Variants in MEF2A observed in about 807,000 individuals in gnomAD.
The protein encoded by MEF2A is myocyte-specific enhancer factor 2A.
Under a neutral mutation model 55.8 loss-of-function variants are expected in MEF2A, and 28 were observed. That is an observed-to-expected ratio of 0.50 (90% CI 0.37 to 0.69). MEF2A has a LOEUF of 0.69. Among genes scored for constraint, MEF2A ranks in the 30% least tolerant of loss-of-function variants. The probability of loss-of-function intolerance (pLI) is 0.00; values close to 1 mark genes in which losing one functional copy is unlikely to be tolerated. For synonymous variants in MEF2A, 239 were observed against 227.1 expected, an observed-to-expected ratio of 1.05 and a Z score of -0.47; for missense variants, 528 against 626.2, an observed-to-expected ratio of 0.84 and a Z score of 1.67.
At position 99,713,974 on chromosome 15, in the gene MEF2A, T is replaced by TTAAG. The variant is rs1389961302; in HGVS notation, c.*1206_*1209dup. ...TGGGGGGAAAAGGCGAGGTCCTTTA[T>TTAAG]TAAGTATTCACTGTTTAATATTTAC... On this transcript the variant is annotated 3_prime_UTR_variant, in exon 12 of 12. Transcript: ENST00000557942. 2 of 152,248 alleles carry TTAAG rather than the reference T, an allele frequency of 1.3e-5. No individual in the cohort carries two copies. Among genetic ancestry groups the TTAAG allele is most frequent in the Non-Finnish European group, 2.9e-5 (2 of 68,030 alleles). 9.4% of individuals were successfully genotyped at this position (152,248 alleles called of 1,614,324 possible). A position where few individuals can be genotyped will look rare whatever the true frequency, so the allele number is the denominator to read the frequency against.
intron 3 of MEF2A, among the ~76,000 whole-genome samples, chr15:99,633,695 G>A (rs1156560422): frequency 6.6e-6 from 1 of 152,070 alleles, no homozygotes; most frequent in Non-Finnish European, 1.5e-5. Flanking sequence ...ATATATTGAA[G>A]TTATTTTATG....
At chr15:99,584,049 T>G (rs753123226) in intron 1 of MEF2A, among the ~76,000 whole-genome samples, 10 of 152,170 alleles carry the variant, frequency 6.6e-5, no homozygotes, top group Non-Finnish European at 1.3e-4. Context: ...TAGGCATTTG[T>G]AACATAGTAG....
rs376220587 is a variant in MEF2A at position 99,713,010 on chromosome 15, A to G, written c.*239A>G. 1.9e-5 allele frequency: 10 copies of G among 540,014 alleles called. 1 individual carries two copies. Among genetic ancestry groups the G allele is most frequent in the African/African-American group, 1.3e-4 (7 of 53,302 alleles). The allele number at this position is 540,014 out of a possible 1,614,324, so 33.5% of individuals were successfully genotyped here. On this transcript the variant is annotated 3_prime_UTR_variant, in exon 12 of 12. Coordinates refer to ENST00000557942, the MANE Select transcript of MEF2A (RefSeq NM_001319206.4). ...GCAGATGTGTGTCCCATGGCAGACA[A>G]AGCACCCTGTAGGCACAGACAAGTC...
At chr15:99,617,866 T>C (rs1035175625) in intron 2 of MEF2A, among the ~76,000 whole-genome samples, 1 of 152,240 alleles carries the variant, frequency 6.6e-6, no homozygotes, top group Non-Finnish European at 1.5e-5. Context: ...TTTCTAATGA[T>C]TCTAGTGTAT....
intron 2 of MEF2A, among the ~76,000 whole-genome samples, chr15:99,604,402 T>C (rs1974340321): frequency 6.6e-6 from 1 of 152,194 alleles, no homozygotes; most frequent in African/African-American, 2.4e-5. Flanking sequence ...CACTGATCTT[T>C]TCTTCTGCAT....
At chr15:99,654,342 CTAAG>C (rs1422157182) in intron 4 of MEF2A, among the ~76,000 whole-genome samples, 6 of 151,982 alleles carry the variant, frequency 3.9e-5, no homozygotes, top group African/African-American at 1.4e-4. Context: ...TACTGGGTTA[CTAAG>C]CTCAATGTTT....
At chr15:99,645,008 C>T (rs555574863) in intron 3 of MEF2A, among the ~76,000 whole-genome samples, 23 of 152,078 alleles carry the variant, frequency 1.5e-4, no homozygotes, top group South Asian at 1.5e-3. Flanking sequence ...TTGGGGGGGT[C>T]TCTGTTAGAG....
chr15:99,705,985 T>C (rs1490424747), intron 9 of MEF2A, among the ~76,000 whole-genome samples: 2 of 152,360 alleles, frequency 1.3e-5, no homozygotes, highest in East Asian at 3.9e-4. Context: ...ACAATGACTG[T>C]CTTAGACTAA....
chr15:99,595,303 G>T (rs1970778219), intron 1 of MEF2A, among the ~76,000 whole-genome samples: 1 of 152,086 alleles, frequency 6.6e-6, no homozygotes, highest in Non-Finnish European at 1.5e-5. Flanking sequence ...ATTATGTTAG[G>T]CTTTCCCTGG....
intron 2 of MEF2A, among the ~76,000 whole-genome samples, chr15:99,626,457 T>C (rs1252903516): frequency 6.6e-6 from 1 of 152,160 alleles, no homozygotes. Context: ...GTTTTTCTGT[T>C]ATCTATTTCA....
chr15:99,579,727 A>G (rs2152833885), intron 1 of MEF2A, among the ~76,000 whole-genome samples: 1 of 152,170 alleles, frequency 6.6e-6, no homozygotes, highest in Admixed American at 6.5e-5. Context: ...AGTGTTTTAT[A>G]GTATTCCTAG....
At chr15:99,677,069 C>T (rs1053766118) in intron 7 of MEF2A, among the ~76,000 whole-genome samples, 9 of 151,640 alleles carry the variant, frequency 5.9e-5, no homozygotes, top group East Asian at 2.0e-4. Flanking sequence ...TGCAGTGAGC[C>T]GAGATCATGC....
At position 99,712,530 on chromosome 15, in the gene MEF2A, AGCAGCAGCC is replaced by A. The variant is rs560400205; in HGVS notation, c.1280_1288del (p.Gln427_Pro429del). ...CAGCAGCAGCAGCAGCAGCAGCAGC[AGCAGCAGCC>A]GCCGCCACCACCGCAGCCCCAGCCA... On this transcript the variant is annotated inframe_deletion, in exon 12 of 12. Transcript: ENST00000557942. This position sits in a 1 kb window ranked among gnomAD's most constrained non-coding sequence, Gnocchi z 4.1. 4.2e-3 allele frequency: 6,475 copies of A among 1,546,174 alleles called. 61 individuals carry two copies. The East Asian group carries it at 0.056, about 13-fold the overall frequency.
rs374810789 is a variant in MEF2A, at chr15:99,706,585, G to GTA, written c.883-142_883-141dup. 4.6e-4 allele frequency: 365 copies of GTA among 792,332 alleles called. No individual in the cohort carries two copies. The African/African-American group carries it at 5.5e-3, about 12-fold the overall frequency. 49.1% of individuals were successfully genotyped at this position (792,332 alleles called of 1,614,324 possible). ...ATTAAATATTTAGTTATTCTCACTA[G>GTA]TATTTTTGAAGTTTTCACATCATCA... is the stretch of plus-strand genomic sequence containing the variant. On this transcript the variant is annotated intron_variant, in intron 9 of 11. Transcript: ENST00000557942.
In MEF2A at chr15:99,603,543, TTGTGTGTG is replaced by T. The variant is rs1300288383; in HGVS notation, c.-143+5060_-143+5067del. Among the ~76,000 whole-genome samples, 16 of 126,498 alleles carry T rather than the reference TTGTGTGTG, an allele frequency of 1.3e-4. No homozygotes were observed. The East Asian group carries it at 2.4e-3, about 19-fold the overall frequency. 83.0% of individuals were successfully genotyped at this position (126,498 alleles called of 152,430 possible). On this transcript the variant is annotated intron_variant, in intron 2 of 11. Coordinates refer to ENST00000557942, the MANE Select transcript of MEF2A (RefSeq NM_001319206.4). ...ATGCAGCCATCACACCTGGCTGATT[TTGTGTGTG>T]TGTGTGTGTGTGTGTGTGTGTGTGT... is the stretch of plus-strand genomic sequence containing the variant.
At chr15:99,620,559 G>A (rs565187561) in intron 2 of MEF2A, among the ~76,000 whole-genome samples, 3 of 152,282 alleles carry the variant, frequency 2.0e-5, no homozygotes, top group South Asian at 4.1e-4. Context: ...TGGTGTATAT[G>A]CATCACGTTT....
intron 10 of MEF2A, 116 bp downstream of exon 10, chr15:99,706,971 A>G (rs1254405750): frequency 8.7e-6 from 11 of 1,268,026 alleles, no homozygotes; most frequent in Non-Finnish European, 1.2e-5. Flanking sequence ...CCAGTTTTTT[A>G]GATTTAAATT....
rs573873287 is a variant in MEF2A at position 99,715,283 on chromosome 15, A to G, written c.*2512A>G. ...TGTACATTGGAATAGGAGTTAACAC[A>G]TTCACATTTACTGTCTATTTTCTTG... is the stretch of plus-strand genomic sequence containing the variant. On this transcript the variant is annotated 3_prime_UTR_variant, in exon 12 of 12. Coordinates refer to ENST00000557942, the MANE Select transcript of MEF2A (RefSeq NM_001319206.4). 1.3e-5 allele frequency: 2 copies of G among 152,170 alleles called. No homozygotes were observed. Among genetic ancestry groups the G allele is most frequent in the Non-Finnish European group, 2.9e-5 (2 of 68,036 alleles). The allele number at this position is 152,170 out of a possible 1,614,324, so 9.4% of individuals were successfully genotyped here. A position where few individuals can be genotyped will look rare whatever the true frequency, so the allele number is the denominator to read the frequency against.
At chr15:99,645,280 A>G (rs781108203) in intron 3 of MEF2A, among the ~76,000 whole-genome samples, 3 of 152,204 alleles carry the variant, frequency 2.0e-5, no homozygotes, top group Non-Finnish European at 2.9e-5. Context: ...ACACTGATCA[A>G]CTGTTCCTTC....
Sources: gnomAD v4.1 joint callset for allele counts (sites outside exome capture counted in the v4.1 genomes callset) on GRCh38, gnomAD v4.1.1 for gene constraint, Gnocchi (gnomAD v3.1) non-coding constraint, MANE v1.5 for transcripts, NCBI Gene and HGNC (gene_info 2026-07-23, HGNC 2026-07-21) for gene names.